The following PCMT1 variants were observed in gnomAD, a reference collection of about 807,000 sequenced individuals.
The protein encoded by PCMT1 is protein-L-isoaspartate(D-aspartate) O-methyltransferase.
Under a neutral mutation model 29.2 loss-of-function variants are expected in PCMT1, and 9 were observed. The ratio of observed to expected loss-of-function variants is 0.31; its 90% confidence interval spans 0.19 to 0.54. The LOEUF (loss-of-function observed/expected upper bound fraction) is 0.54. Among genes scored for constraint, PCMT1 ranks in the 20% least tolerant of loss-of-function variants. The pLI is 0.95. For synonymous variants in PCMT1, 98 were observed against 97.5 expected, an observed-to-expected ratio of 1.00 and a Z score of -0.03; for missense variants, 184 against 282.2, an observed-to-expected ratio of 0.65 and a Z score of 2.49.
intron 5 of PCMT1, 151 bp downstream of exon 5, chr6:149,793,820 C>A: frequency 1.6e-6 from 1 of 607,466 alleles, no homozygotes; most frequent in Non-Finnish European, 2.5e-6. Context: ...TTTTTGCTCA[C>A]CTAGTGTGTA....
chr6:149,785,416 T>G (rs1355688964), intron 3 of PCMT1, among the ~76,000 whole-genome samples: 1 of 150,888 alleles, frequency 6.6e-6, no homozygotes, highest in East Asian at 1.9e-4. Flanking sequence ...TTTTTATTTT[T>G]ATTTTTTTTT....
At chr6:149,808,887 T>G (rs1485641700) in intron 7 of PCMT1, among the ~76,000 whole-genome samples, 1 of 151,338 alleles carries the variant, frequency 6.6e-6, no homozygotes, top group Non-Finnish European at 1.5e-5. Flanking sequence ...CCGCCCGCCT[T>G]GGCCTCCCAA....
chr6:149,804,922 A>G (rs1340779907), intron 7 of PCMT1, among the ~76,000 whole-genome samples: 3 of 152,104 alleles, frequency 2.0e-5, no homozygotes, highest in Non-Finnish European at 4.4e-5. Flanking sequence ...TCCACCTTTG[A>G]TAAAACCAAA....
intron 3 of PCMT1, among the ~76,000 whole-genome samples, chr6:149,781,425 C>T (rs540267271): frequency 5.9e-5 from 9 of 152,194 alleles, no homozygotes; most frequent in Admixed American, 2.6e-4. Flanking sequence ...CAAGGTTTCA[C>T]CGTGTTGGCC....
chr6:149,788,440 G>C (rs1029633622), intron 3 of PCMT1, among the ~76,000 whole-genome samples: 1 of 152,160 alleles, frequency 6.6e-6, no homozygotes, highest in Non-Finnish European at 1.5e-5. Context: ...ACTGAGAAAT[G>C]GTTCCTTATT....
At chr6:149,776,583 A>G (rs1583026916) in intron 3 of PCMT1, among the ~76,000 whole-genome samples, 2 of 151,270 alleles carry the variant, frequency 1.3e-5, no homozygotes, top group Admixed American at 6.6e-5. Flanking sequence ...GGCCATTAAA[A>G]TTTTTTTTTG....
intron 1 of PCMT1, among the ~76,000 whole-genome samples, chr6:149,769,308 C>CTTTTTTTT (rs372773939): frequency 0.088 from 6,236 of 70,924 alleles, 1,412 homozygotes; most frequent in East Asian, 0.23. Context: ...GTGCAGGATT[C>CTTTTTTTT]TTTTTTTTTT....
chr6:149,774,326 G>A (rs551667435), intron 3 of PCMT1, among the ~76,000 whole-genome samples: 145 of 148,952 alleles, frequency 9.7e-4, no homozygotes, highest in African/African-American at 2.8e-3. Flanking sequence ...TGCAACCTCC[G>A]CCTCCTGGGT....
Position 149,758,208 on chromosome 6 carries a change from C to CTTTCTTTTTT in PCMT1, c.55+8255_55+8256insCTTTTTTTTT, listed in dbSNP as rs1554251094. Reference sequence around the variant, plus strand: ...CAATTTTTTTTTTCTTTCTTTCTTTCTTTTTTTTTTTTTTTTTTCTGAGAC... The same window carrying CTTTCTTTTTT: ...CAATTTTTTTTTTCTTTCTTTCTTTCTTTCTTTTTTTTTTTTTTTTTTTTTTTTCTGAGAC... On this transcript the variant is annotated intron_variant, in intron 1 of 7. Coordinates refer to ENST00000464889, the MANE Select transcript of PCMT1 (RefSeq NM_001360452.2). Among the ~76,000 whole-genome samples, 21 of 73,904 alleles carry CTTTCTTTTTT rather than the reference C, an allele frequency of 2.8e-4. 3 individuals are homozygous for CTTTCTTTTTT. The highest frequency in any genetic ancestry group is 1.5e-3 in the Admixed American group (7 of 4,558). The allele number at this position is 73,904 out of a possible 152,430, so 48.5% of individuals were successfully genotyped here. A position where few individuals can be genotyped will look rare whatever the true frequency, so the allele number is the denominator to read the frequency against.
chr6:149,754,616 C>T (rs1408611828), intron 1 of PCMT1, among the ~76,000 whole-genome samples: 6 of 152,140 alleles, frequency 3.9e-5, no homozygotes, highest in Non-Finnish European at 7.4e-5. Context: ...GTTTCAGTTA[C>T]CCCAAGTCAA....
chr6:149,751,346 TCTAAGAATTTAAC>T (rs1366493265), intron 1 of PCMT1, among the ~76,000 whole-genome samples: 1 of 152,086 alleles, frequency 6.6e-6, no homozygotes, highest in Non-Finnish European at 1.5e-5. Flanking sequence ...TTGAATTTTC[TCTAAGAATTTAAC>T]AGTCATCCCT....
chr6:149,755,452 G>A (rs1032933511), intron 1 of PCMT1, among the ~76,000 whole-genome samples: 2 of 151,826 alleles, frequency 1.3e-5, no homozygotes, highest in African/African-American at 4.8e-5. Flanking sequence ...TTGAGTATCT[G>A]TATGGGCTGT....
chr6:149,769,407 G>A (rs972703321), intron 1 of PCMT1, among the ~76,000 whole-genome samples: 2 of 141,362 alleles, frequency 1.4e-5, no homozygotes, highest in Non-Finnish European at 3.0e-5. Context: ...CTCAGCCTCC[G>A]GGTTCAAGCA....
intron 7 of PCMT1, among the ~76,000 whole-genome samples, chr6:149,808,882 C>T (rs896584106): frequency 3.2e-4 from 48 of 151,828 alleles, no homozygotes; most frequent in African/African-American, 5.8e-4. Flanking sequence ...ATGATCCGCC[C>T]GCCTTGGCCT....
chr6:149,796,667 G>T (rs1788623655), intron 6 of PCMT1, 167 bp downstream of exon 6: 1 of 491,566 alleles, frequency 2.0e-6, no homozygotes. Flanking sequence ...GCAAACAATT[G>T]TATAAATGAC....
chr6:149,775,472 G>A (rs527849767), intron 3 of PCMT1, among the ~76,000 whole-genome samples: 28 of 151,978 alleles, frequency 1.8e-4, no homozygotes, highest in African/African-American at 6.5e-4. Context: ...TTGGGAGGCC[G>A]AGGCAGGAAT....
intron 7 of PCMT1, among the ~76,000 whole-genome samples, chr6:149,809,503 A>G (rs951891016): frequency 1.3e-5 from 2 of 152,104 alleles, no homozygotes; most frequent in African/African-American, 4.8e-5. Context: ...AGATAATCCA[A>G]TACTATAGGA....
At chr6:149,771,364 T>A (rs1229346197) in intron 2 of PCMT1, 98 bp downstream of exon 2, 1 of 624,564 alleles carries the variant, frequency 1.6e-6, no homozygotes, top group Non-Finnish European at 2.7e-6. Context: ...TATCTATTAT[T>A]ACCTTCTTAA....
intron 3 of PCMT1, among the ~76,000 whole-genome samples, chr6:149,779,107 A>T (rs1183320265): frequency 1.3e-5 from 2 of 152,016 alleles, no homozygotes; most frequent in Non-Finnish European, 2.9e-5. Flanking sequence ...TCCCTCCTCT[A>T]TGCGCAGAGA....
Sources: gnomAD v4.1 joint callset for allele counts (sites outside exome capture counted in the v4.1 genomes callset) on GRCh38, gnomAD v4.1.1 for gene constraint, MANE v1.5 for transcripts, NCBI Gene and HGNC (gene_info 2026-07-23, HGNC 2026-07-21) for gene names.